Variants in C11orf68 observed in about 807,000 individuals in gnomAD.
The protein encoded by C11orf68 is UPF0696 protein C11orf68.
C11orf68 carries 3 observed loss-of-function variants against 4.7 expected under a neutral mutation model. The observed-to-expected ratio is 0.64, with a 90% CI of 0.29 to 1.66. The LOEUF is 1.66. Ranked by LOEUF, C11orf68 falls within the 40% of genes most tolerant of loss-of-function variation. The pLI is 0.10. For missense variants in C11orf68, 422 were observed against 408.0 expected (o/e 1.03, Z -0.30); for synonymous variants, 186 against 167.8 (o/e 1.11, Z -0.84).
At chr11:65,918,486 A>C (rs569857401) in intron 1 of C11orf68, 2 of 416,400 alleles carry the variant, frequency 4.8e-6, no homozygotes, top group South Asian at 6.3e-5. Flanking sequence ...GGACTTGCCC[A>C]AGGTCACACC....
At chr11:65,918,787 C>T in intron 1 of C11orf68, 123 bp downstream of exon 1, 2 of 963,090 alleles carry the variant, frequency 2.1e-6, no homozygotes, top group Non-Finnish European at 2.5e-6. Context: ...CGAACCAGGG[C>T]TTGTTAGAGC....
In C11orf68 at chr11:65,917,639, G is replaced by C; in HGVS notation, c.702C>G (p.Ile234Met). Reference protein sequence around the residue: ...RLGVLEADSAIRAAGIKCLLT... With the variant: ...RLGVLEADSAMRAAGIKCLLT... ...GCAGGCACTTAATGCCCGCTGCACG[G>C]ATGGCTGAATCCGCCTCCAGTACAC... is the stretch of plus-strand genomic sequence containing the variant. The change falls in exon 2 of 2, where the codon ATC becomes ATG. Residue 234 changes from isoleucine to methionine, a missense_variant. Ile to Met is a conservative substitution (Grantham distance 10). Transcript: ENST00000438576. The C allele has an allele frequency of 6.2e-7, 1 of 1,614,074 alleles. No individual in the cohort carries two copies. The highest frequency in any genetic ancestry group is 8.5e-7 in the Non-Finnish European group (1 of 1,180,020).
Position 65,917,357 on chromosome 11 carries a change from C to T in C11orf68, c.*102G>A. 7.0e-7 allele frequency: 1 copy of T among 1,431,520 alleles called. No individual in the cohort carries two copies. The highest frequency in any genetic ancestry group is 1.4e-5 in the African/African-American group (1 of 70,124). 88.7% of individuals were successfully genotyped at this position (1,431,520 alleles called of 1,614,324 possible). ...GTAGTTCCCAAGTGACCTAGGAGTCCCCAGAGCTGGGGGGTGTGGCCTTCA... is the reference window on the plus strand; with the variant it reads ...GTAGTTCCCAAGTGACCTAGGAGTCTCCAGAGCTGGGGGGTGTGGCCTTCA... On this transcript the variant is annotated 3_prime_UTR_variant, in exon 2 of 2. Transcript: ENST00000438576.
Position 65,917,626 on chromosome 11 carries a change from T to C in C11orf68, c.715A>G (p.Ile239Val), listed in dbSNP as rs1291676069. 5.6e-6 allele frequency: 9 copies of C among 1,614,068 alleles called. No individual in the cohort carries two copies. The East Asian group carries it at 8.9e-5, about 16-fold the overall frequency. The change falls in exon 2 of 2, where the codon ATT becomes GTT. Residue 239 changes from isoleucine to valine, a missense_variant. Physicochemically the swap from Ile to Val is conservative, Grantham distance 29. Coordinates refer to ENST00000438576, the MANE Select transcript of C11orf68 (RefSeq NM_001135635.2). Reference protein sequence around the residue: ...EADSAIRAAGIKCLLTYKPDV... With the variant: ...EADSAIRAAGVKCLLTYKPDV... ...GGCTTGTAGGTGAGCAGGCACTTAATGCCCGCTGCACGGATGGCTGAATCC... is the reference window on the plus strand; with the variant it reads ...GGCTTGTAGGTGAGCAGGCACTTAACGCCCGCTGCACGGATGGCTGAATCC...
intron 1 of C11orf68, among the ~76,000 whole-genome samples, chr11:65,918,605 G>A (rs1425954885): frequency 2.6e-5 from 4 of 151,894 alleles, no homozygotes; most frequent in Non-Finnish European, 4.4e-5. Context: ...TATCCGGTGC[G>A]CTGGCATTTA....
At position 65,918,996 on chromosome 11, in the gene C11orf68, C is replaced by A; in HGVS notation, c.36G>T (p.Val12=). 1 of 1,163,672 alleles carries A rather than the reference C, an allele frequency of 8.6e-7. No homozygotes were observed. The highest frequency in any genetic ancestry group is 1.1e-6 in the Non-Finnish European group (1 of 949,654). The allele number at this position is 1,163,672 out of a possible 1,614,324, so 72.1% of individuals were successfully genotyped here. A position where few individuals can be genotyped will look rare whatever the true frequency, so the allele number is the denominator to read the frequency against. The change falls in exon 1 of 2, where the codon GTG becomes GTT. Residue 12 remains valine, a synonymous_variant. Coordinates refer to ENST00000438576, the MANE Select transcript of C11orf68 (RefSeq NM_001135635.2). Reference sequence around the variant, plus strand: ...GCTCCGCGCCACCGCCACCGCGCCCCACCCCCGCCACGGCCGCCGCCGCCG... The same window carrying A: ...GCTCCGCGCCACCGCCACCGCGCCCAACCCCCGCCACGGCCGCCGCCGCCG... ...AAAAAAAVAG[V]GRGGGGAEPR...
At chr11:65,918,817 C>T (rs1286406374) in intron 1 of C11orf68, 93 bp downstream of exon 1, 2 of 1,053,508 alleles carry the variant, frequency 1.9e-6, no homozygotes, top group Non-Finnish European at 2.3e-6. Context: ...AGCCAGGCTC[C>T]GGCCGTGCCG....
rs746884047 is a variant in C11orf68 at position 65,917,550 on chromosome 11, C to T, written c.791G>A (p.Cys264Tyr). The change falls in exon 2 of 2, where the codon TGC becomes TAC. Residue 264 changes from cysteine (C) to tyrosine (Y), a missense_variant. Transcript: ENST00000438576. ...GIYRANRWHL[C>Y]PTLYESRFQL... ...GAAACGGCTCTCATAGAGAGTGGGG[C>T]AGAGGTGCCAGCGATTGGCCCGGTA... 1 of 1,614,102 alleles carries T rather than the reference C, an allele frequency of 6.2e-7. No homozygotes were observed. The highest frequency in any genetic ancestry group is 8.5e-7 in the Non-Finnish European group (1 of 1,180,036).
At chr11:65,918,435 T>G in intron 1 of C11orf68, 1 of 498,672 alleles carries the variant, frequency 2.0e-6, no homozygotes, top group Non-Finnish European at 3.3e-6. Context: ...TTATTACTAT[T>G]CTCCTTGACT....
chr11:65,918,697 C>T (rs1195505581), intron 1 of C11orf68, among the ~76,000 whole-genome samples: 3 of 152,210 alleles, frequency 2.0e-5, no homozygotes, highest in Non-Finnish European at 4.4e-5. Context: ...CAGGCGTTAT[C>T]GGGCCCACTT....
chr11:65,917,723 G>A lies in C11orf68; in HGVS notation c.618C>T (p.Ala206=), dbSNP rs1456498955. The A allele has an allele frequency of 6.2e-7, 1 of 1,613,726 alleles. No individual in the cohort carries two copies. Among genetic ancestry groups the A allele is most frequent in the Non-Finnish European group, 8.5e-7 (1 of 1,180,022 alleles). ...QLQVAKVSPR[A]KEGGRQVICV... ...AGATGACCTGGCGCCCACCCTCCTTGGCACGTGGGCTCACCTTGGCCACCT... is the reference window on the plus strand; with the variant it reads ...AGATGACCTGGCGCCCACCCTCCTTAGCACGTGGGCTCACCTTGGCCACCT... Residue 206 remains alanine, a synonymous_variant, in exon 2 of 2, where the codon GCC becomes GCT. Coordinates refer to ENST00000438576, the MANE Select transcript of C11orf68 (RefSeq NM_001135635.2).
In C11orf68 at chr11:65,918,012, G is replaced by C. The variant is rs1440916240; in HGVS notation, c.329C>G (p.Pro110Arg). ...PPSQVTRYGDPGSPNSEPVGW... is the reference protein window; with the variant it reads ...PPSQVTRYGDRGSPNSEPVGW... ...CACAGGCTCTGAGTTGGGTGAACCGGGGTCCCCATAGCGGGTAACTTGGGA... is the reference window on the plus strand; with the variant it reads ...CACAGGCTCTGAGTTGGGTGAACCGCGGTCCCCATAGCGGGTAACTTGGGA... The change falls in exon 2 of 2, where the codon CCC (proline) becomes CGC (arginine). Residue 110 changes from proline (P) to arginine (R), a missense_variant. Pro to Arg is a moderately radical substitution (Grantham distance 103, BLOSUM62 -2). Coordinates refer to ENST00000438576, the MANE Select transcript of C11orf68 (RefSeq NM_001135635.2). 10 of 1,606,882 alleles carry C rather than the reference G, an allele frequency of 6.2e-6. No individual in the cohort carries two copies. The highest frequency in any genetic ancestry group is 1.3e-5 in the African/African-American group (1 of 74,980).
Position 65,918,982 on chromosome 11 carries a change from C to A in C11orf68, c.50G>T (p.Gly17Val). Residue 17 changes from glycine to valine, a missense_variant, in exon 1 of 2, where the codon GGT becomes GTT. Coordinates refer to ENST00000438576, the MANE Select transcript of C11orf68 (RefSeq NM_001135635.2). ...AAVAGVGRGG[G>V]GAEPRQERSR... ...CCGCTCCTGCCGTGGCTCCGCGCCA[C>A]CGCCACCGCGCCCCACCCCCGCCAC... 2.5e-6 allele frequency: 3 copies of A among 1,178,816 alleles called. No homozygotes were observed. Among genetic ancestry groups the A allele is most frequent in the East Asian group, 4.2e-5 (1 of 23,858 alleles). The allele number at this position is 1,178,816 out of a possible 1,614,324, so 73.0% of individuals were successfully genotyped here. A position where few individuals can be genotyped will look rare whatever the true frequency, so the allele number is the denominator to read the frequency against.
At chr11:65,918,366 T>A in intron 1 of C11orf68, 148 bp from the exon 2 acceptor site, 1 of 925,218 alleles carries the variant, frequency 1.1e-6, no homozygotes, top group East Asian at 2.9e-5. Context: ...TCCTGTCCCG[T>A]AGATCTGCTA....
chr11:65,918,966 C>G lies in C11orf68; in HGVS notation c.66G>C (p.Arg22=). 1 of 1,195,412 alleles carries G rather than the reference C, an allele frequency of 8.4e-7. No homozygotes were observed. The highest frequency in any genetic ancestry group is 1.0e-6 in the Non-Finnish European group (1 of 964,182). 74.1% of individuals were successfully genotyped at this position (1,195,412 alleles called of 1,614,324 possible). Residue 22 remains arginine (R), a synonymous_variant, in exon 1 of 2, where the codon CGG becomes CGC. Coordinates refer to ENST00000438576, the MANE Select transcript of C11orf68 (RefSeq NM_001135635.2). ...VGRGGGGAEP[R]QERSRARGWA... ...AGCCCCGGGCCCGGCTCCGCTCCTG[C>G]CGTGGCTCCGCGCCACCGCCACCGC...
chr11:65,917,352 G>A lies in C11orf68; in HGVS notation c.*107C>T. On this transcript the variant is annotated 3_prime_UTR_variant, in exon 2 of 2. Transcript: ENST00000438576. ...TGCAGGTAGTTCCCAAGTGACCTAGGAGTCCCCAGAGCTGGGGGGTGTGGC... is the reference window on the plus strand; with the variant it reads ...TGCAGGTAGTTCCCAAGTGACCTAGAAGTCCCCAGAGCTGGGGGGTGTGGC... 7.4e-7 allele frequency: 1 copy of A among 1,355,794 alleles called. No homozygotes were observed. The highest frequency in any genetic ancestry group is 1.0e-6 in the Non-Finnish European group (1 of 989,158). 84.0% of individuals were successfully genotyped at this position (1,355,794 alleles called of 1,614,324 possible).
Position 65,917,430 on chromosome 11 carries a change from G to T in C11orf68, c.*29C>A, listed in dbSNP as rs1439984499. ...GGATCCAACCCCAGCATGGAGGGGGGAGTGGGCAGTCTCCCCAATTTGGCC... is the reference window on the plus strand; with the variant it reads ...GGATCCAACCCCAGCATGGAGGGGGTAGTGGGCAGTCTCCCCAATTTGGCC... On this transcript the variant is annotated 3_prime_UTR_variant, in exon 2 of 2. Coordinates refer to ENST00000438576, the MANE Select transcript of C11orf68 (RefSeq NM_001135635.2). The T allele has an allele frequency of 6.4e-7, 1 of 1,574,530 alleles. No individual in the cohort carries two copies. Among genetic ancestry groups the T allele is most frequent in the African/African-American group, 1.3e-5 (1 of 74,254 alleles).
At position 65,917,227 on chromosome 11, in the gene C11orf68, A is replaced by G; in HGVS notation, c.*232T>C. 1 of 560,818 alleles carries G rather than the reference A, an allele frequency of 1.8e-6. No homozygotes were observed. Among genetic ancestry groups the G allele is most frequent in the African/African-American group, 1.9e-5 (1 of 53,472 alleles). 34.7% of individuals were successfully genotyped at this position (560,818 alleles called of 1,614,324 possible). A position where few individuals can be genotyped will look rare whatever the true frequency, so the allele number is the denominator to read the frequency against. On this transcript the variant is annotated 3_prime_UTR_variant, in exon 2 of 2. Transcript: ENST00000438576. ...GCAGTGGAGAGGAGCAGCATTACAA[A>G]GGGAGGCTGAAGGCTCATCCCTCAG...
rs117188794 is a variant in C11orf68 at position 65,917,051 on chromosome 11, G to C, written c.*408C>G. The C allele has an allele frequency of 5.3e-6, 1 of 187,544 alleles. No individual in the cohort carries two copies. Among genetic ancestry groups the C allele is most frequent in the Non-Finnish European group, 1.1e-5 (1 of 88,262 alleles). 11.6% of individuals were successfully genotyped at this position (187,544 alleles called of 1,614,324 possible). On this transcript the variant is annotated 3_prime_UTR_variant, in exon 2 of 2. Coordinates refer to ENST00000438576, the MANE Select transcript of C11orf68 (RefSeq NM_001135635.2). The stretch of plus-strand genomic sequence containing the variant: ...GGGGCCCCTACCCCTGGACCATGAA[G>C]GCTCCAAGAAGGGCTGGAAGCACTA...
Sources: allele counts gnomAD v4.1 joint callset (sites outside exome capture counted in the v4.1 genomes callset), GRCh38; gene constraint gnomAD v4.1.1; transcripts MANE v1.5; gene names NCBI Gene and HGNC (gene_info 2026-07-23, HGNC 2026-07-21).